Variants in IPCEF1 observed in about 807,000 individuals in gnomAD.
IPCEF1 encodes the protein interactor protein for cytohesin exchange factors 1.
In IPCEF1, 31 loss-of-function variants were observed where a neutral mutation model predicts 50.9. The ratio of observed to expected loss-of-function variants is 0.61; its 90% CI spans 0.46 to 0.82. IPCEF1 has a LOEUF of 0.82. Among genes scored for constraint, IPCEF1 ranks in the 40% least tolerant of loss-of-function variants. The probability of loss-of-function intolerance (pLI) is 0.00; values close to 1 mark genes in which losing one functional copy is unlikely to be tolerated. For synonymous variants in IPCEF1, 181 were observed against 192.0 expected (o/e 0.94, Z 0.47); for missense variants, 458 against 514.0 (o/e 0.89, Z 1.05).
intron 1 of IPCEF1, among the ~76,000 whole-genome samples, chr6:154,314,308 C>T (rs1240558583): frequency 6.6e-6 from 1 of 152,094 alleles, no homozygotes; most frequent in Non-Finnish European, 1.5e-5. Context: ...ATCAAATTGG[C>T]CACTATGGCT....
intron 1 of IPCEF1, among the ~76,000 whole-genome samples, chr6:154,350,113 C>T (rs1442937743): frequency 2.6e-5 from 4 of 152,106 alleles, no homozygotes; most frequent in Non-Finnish European, 5.9e-5. Flanking sequence ...TCAAAGTGAT[C>T]AACGATTACA....
At chr6:154,356,240 A>C (rs889028446) in intron 1 of IPCEF1, among the ~76,000 whole-genome samples, 4 of 152,184 alleles carry the variant, frequency 2.6e-5, no homozygotes, top group Non-Finnish European at 4.4e-5. Context: ...ACCTTTATCA[A>C]AGTGTAAAAT....
intron 9 of IPCEF1, among the ~76,000 whole-genome samples, chr6:154,201,247 A>G (rs532279647): frequency 6.6e-6 from 1 of 152,202 alleles, no homozygotes; most frequent in Non-Finnish European, 1.5e-5. Context: ...AATATAACCA[A>G]CAATTCTTGG....
At chr6:154,320,651 A>T (rs910240486) in intron 1 of IPCEF1, among the ~76,000 whole-genome samples, 1 of 152,174 alleles carries the variant, frequency 6.6e-6, no homozygotes, top group African/African-American at 2.4e-5. Flanking sequence ...ACTTCCTAGG[A>T]TAGGAAGGAT....
chr6:154,349,378 AT>A (rs1562298540), intron 1 of IPCEF1, among the ~76,000 whole-genome samples: 1 of 149,932 alleles, frequency 6.7e-6, no homozygotes, highest in Non-Finnish European at 1.5e-5. Context: ...ATTTTATTTT[AT>A]TTTATTTTAT....
intron 10 of IPCEF1, among the ~76,000 whole-genome samples, chr6:154,175,303 G>A (rs187899703): frequency 1.1e-3 from 168 of 150,450 alleles, no homozygotes; most frequent in African/African-American, 3.8e-3. Context: ...GCTAGCAGAA[G>A]GCAAGAAATA....
intron 1 of IPCEF1, among the ~76,000 whole-genome samples, chr6:154,301,446 G>A (rs1782792873): frequency 6.6e-6 from 1 of 152,290 alleles, no homozygotes; most frequent in Middle Eastern, 3.4e-3. Context: ...TGTTAAATGT[G>A]TCTGTGTGTG....
intron 6 of IPCEF1, among the ~76,000 whole-genome samples, chr6:154,222,069 G>A (rs890524169): frequency 4.6e-5 from 7 of 152,154 alleles, no homozygotes; most frequent in South Asian, 2.1e-4. Context: ...ATTTTTATAG[G>A]AGAATAATCA....
At chr6:154,339,234 T>A (rs1411636706) in intron 1 of IPCEF1, among the ~76,000 whole-genome samples, 1 of 152,128 alleles carries the variant, frequency 6.6e-6, no homozygotes, top group African/African-American at 2.4e-5. Context: ...TTATTTAATT[T>A]TGACCAATAT....
At chr6:154,177,932 A>G (rs1270585739) in intron 10 of IPCEF1, among the ~76,000 whole-genome samples, 1 of 152,238 alleles carries the variant, frequency 6.6e-6, no homozygotes, top group Non-Finnish European at 1.5e-5. Flanking sequence ...AATGTGTCAC[A>G]TATACACCAT....
At chr6:154,270,555 G>T (rs1781875590) in intron 2 of IPCEF1, among the ~76,000 whole-genome samples, 1 of 152,154 alleles carries the variant, frequency 6.6e-6, no homozygotes, top group Non-Finnish European at 1.5e-5. Flanking sequence ...CAGTCAAAAT[G>T]TGTAGTATAT....
At chr6:154,293,694 T>C (rs1342690590) in intron 1 of IPCEF1, among the ~76,000 whole-genome samples, 1 of 152,240 alleles carries the variant, frequency 6.6e-6, no homozygotes, top group East Asian at 1.9e-4. Context: ...GAGCATTACA[T>C]GACTTTCTTT....
rs187340576 is a variant in IPCEF1 at position 154,160,766 on chromosome 6, G to A, written c.1105-726C>T. Among the ~76,000 whole-genome samples, 38 of 152,240 alleles carry A rather than the reference G, an allele frequency of 2.5e-4. No homozygotes were observed. In the East Asian group the frequency reaches 7.1e-3, roughly 29 times the overall value. ...ATATTAAAAACAAATATTCAGCCCTGACAATTGTATCTCAAATCTATGCCT... is the reference window on the plus strand; with the variant it reads ...ATATTAAAAACAAATATTCAGCCCTAACAATTGTATCTCAAATCTATGCCT... On this transcript the variant is annotated intron_variant, in intron 11 of 11. Transcript: ENST00000367220.
At chr6:154,181,835 G>T (rs1800903882) in intron 10 of IPCEF1, among the ~76,000 whole-genome samples, 1 of 152,270 alleles carries the variant, frequency 6.6e-6, no homozygotes, top group African/African-American at 2.4e-5. Flanking sequence ...GACACTTGGG[G>T]ATCATGAACC....
chr6:154,235,318 G>T (rs1200061983), intron 5 of IPCEF1, among the ~76,000 whole-genome samples: 1 of 152,164 alleles, frequency 6.6e-6, no homozygotes, highest in Non-Finnish European at 1.5e-5. Flanking sequence ...ATCACCTGAG[G>T]TCAGGAGTTT....
intron 3 of IPCEF1, among the ~76,000 whole-genome samples, chr6:154,252,742 A>C (rs2128646796): frequency 6.6e-6 from 1 of 152,322 alleles, no homozygotes; most frequent in Non-Finnish European, 1.5e-5. Context: ...AAACCAGTTT[A>C]ACTATTGTGT....
At chr6:154,259,417 C>T (rs1179903971) in intron 3 of IPCEF1, among the ~76,000 whole-genome samples, 1 of 152,150 alleles carries the variant, frequency 6.6e-6, no homozygotes, top group African/African-American at 2.4e-5. Context: ...TTTTGGGAGG[C>T]CAAGGCAGGA....
At chr6:154,175,957 C>T (rs1800288683) in intron 10 of IPCEF1, among the ~76,000 whole-genome samples, 2 of 152,148 alleles carry the variant, frequency 1.3e-5, no homozygotes, top group African/African-American at 4.8e-5. Flanking sequence ...AGCAGCAAAT[C>T]AAAAAGCTTA....
intron 1 of IPCEF1, among the ~76,000 whole-genome samples, chr6:154,296,037 T>C (rs906799184): frequency 3.3e-5 from 5 of 152,188 alleles, no homozygotes; most frequent in Admixed American, 6.5e-5. Flanking sequence ...ATTAGCTATA[T>C]GAAGGAGCTG....
Sources: allele counts gnomAD v4.1 joint callset (sites outside exome capture counted in the v4.1 genomes callset), GRCh38; gene constraint gnomAD v4.1.1; transcripts MANE v1.5; gene names NCBI Gene and HGNC (gene_info 2026-07-23, HGNC 2026-07-21).